The following NDUFC1 variants were observed in gnomAD, a reference collection of about 807,000 sequenced individuals.
NDUFC1 encodes the protein NADH dehydrogenase [ubiquinone] 1 subunit C1, mitochondrial.
NDUFC1 carries 11 observed loss-of-function variants against 11.6 expected under a neutral mutation model. The observed-to-expected ratio is 0.95, with a 90% confidence interval of 0.60 to 1.58. NDUFC1 has a LOEUF of 1.58. NDUFC1 is among the 40% of genes most tolerant of loss of function. NDUFC1 has a pLI of 0.00. For synonymous variants in NDUFC1, 52 were observed against 42.2 expected, an observed-to-expected ratio of 1.23 and a Z score of -0.90; for missense variants, 112 against 93.0, an observed-to-expected ratio of 1.20 and a Z score of -0.84.
chr4:139,300,188 A>G (rs750537029), intron 1 of NDUFC1, among the ~76,000 whole-genome samples: 2 of 152,222 alleles, frequency 1.3e-5, no homozygotes, highest in Non-Finnish European at 2.9e-5. Flanking sequence ...TTTCCTGTAT[A>G]TATGATTTTT....
chr4:139,292,340 T>TCCCCC lies in NDUFC1; in HGVS notation c.*20+185_*20+189dup, dbSNP rs933211360. On this transcript the variant is annotated intron_variant, in intron 5 of 5. Coordinates refer to ENST00000394223, the MANE Select transcript of NDUFC1 (RefSeq NM_001184989.2). ...CAAACAACAAACAAAAAAAACCCCA[T>TCCCCC]CCCCCCCAAAACAAAACCAACTGCT... Among the ~76,000 whole-genome samples, 16 of 149,060 alleles carry TCCCCC rather than the reference T, an allele frequency of 1.1e-4. 1 individual carries two copies. Among genetic ancestry groups the TCCCCC allele is most frequent in the African/African-American group, 3.5e-4 (14 of 40,520 alleles).
In NDUFC1 at chr4:139,290,716, CATAT is replaced by C. The variant is rs376295863; in HGVS notation, c.*21-628_*21-625del. Among the ~76,000 whole-genome samples, 1,136 of 145,756 alleles carry C rather than the reference CATAT, an allele frequency of 7.8e-3. 14 individuals are homozygous for C. Among genetic ancestry groups the C allele is most frequent in the African/African-American group, 0.026 (1,046 of 40,250 alleles). ...TTAAAAAAGGTTTTCAGAAATACAC[CATAT>C]ATATATATATATATGTACACTGTAT... On this transcript the variant is annotated intron_variant, in intron 5 of 5. Transcript: ENST00000394223.
intron 1 of NDUFC1, among the ~76,000 whole-genome samples, chr4:139,299,875 T>C (rs147301184): frequency 1.9e-4 from 29 of 152,284 alleles, no homozygotes; most frequent in Middle Eastern, 3.4e-3. Flanking sequence ...TGAAGGAAAA[T>C]AGAATATTCT....
rs889542717 is a variant in NDUFC1, at chr4:139,301,929, C to A, written c.-222+487G>T. 8.5e-6 allele frequency: 11 copies of A among 1,296,104 alleles called. No individual in the cohort carries two copies. In the African/African-American group the frequency reaches 1.5e-4, roughly 17 times the overall value. The allele number at this position is 1,296,104 out of a possible 1,614,324, so 80.3% of individuals were successfully genotyped here. On this transcript the variant is annotated intron_variant, in intron 1 of 5. Coordinates refer to ENST00000394223, the MANE Select transcript of NDUFC1 (RefSeq NM_001184989.2). ...CCCGGCGGGCACTGAGCCACTCCCG[C>A]CCGGGACCCCGCCTTCATAGCTCTC...
chr4:139,296,582 C>T (rs1401636826), intron 2 of NDUFC1, among the ~76,000 whole-genome samples: 6 of 152,216 alleles, frequency 3.9e-5, no homozygotes. Flanking sequence ...ATTACTTAAC[C>T]TCTCTATACC....
intron 4 of NDUFC1, among the ~76,000 whole-genome samples, chr4:139,294,648 T>C (rs988527422): frequency 1.3e-5 from 2 of 148,830 alleles, no homozygotes; most frequent in African/African-American, 5.0e-5. Flanking sequence ...GGCAGGAGAA[T>C]GGCGTGAACC....
At chr4:139,296,557 A>G (rs1245498371) in intron 2 of NDUFC1, among the ~76,000 whole-genome samples, 1 of 152,214 alleles carries the variant, frequency 6.6e-6, no homozygotes, top group Non-Finnish European at 1.5e-5. Flanking sequence ...TTTTAGCTCT[A>G]TGATTTCTAG....
In NDUFC1 at chr4:139,292,709, T is replaced by C. The variant is rs1193613917; in HGVS notation, c.172-100A>G. The C allele has an allele frequency of 5.6e-6, 4 of 716,536 alleles. No individual in the cohort carries two copies. The East Asian group carries it at 1.3e-4, about 23-fold the overall frequency. 44.4% of individuals were successfully genotyped at this position (716,536 alleles called of 1,614,324 possible). On this transcript the variant is annotated intron_variant, in intron 4 of 5. Coordinates refer to ENST00000394223, the MANE Select transcript of NDUFC1 (RefSeq NM_001184989.2). The stretch of plus-strand genomic sequence containing the variant: ...AGAAAAAATAAACAACTATTCTAGT[T>C]AGAAATAAAAGGCTAAGAGATCCAA...
At chr4:139,294,567 T>G (rs1745372795) in intron 4 of NDUFC1, among the ~76,000 whole-genome samples, 1 of 150,886 alleles carries the variant, frequency 6.6e-6, no homozygotes, top group Non-Finnish European at 1.5e-5. Flanking sequence ...AAACCCCGTC[T>G]CTACCAACAA....
intron 3 of NDUFC1, 105 bp downstream of exon 3, chr4:139,295,627 G>T: frequency 1.5e-6 from 2 of 1,302,556 alleles, no homozygotes; most frequent in Non-Finnish European, 2.1e-6. Flanking sequence ...GAAGGTCACT[G>T]CAGGACGAAC....
intron 1 of NDUFC1, chr4:139,301,819 C>A: frequency 6.3e-7 from 1 of 1,593,936 alleles, no homozygotes; most frequent in South Asian, 1.1e-5. Flanking sequence ...ATGCGCTCTT[C>A]AAGCGGATCT....
chr4:139,300,719 T>A (rs1745675838), intron 1 of NDUFC1: 2 of 152,086 alleles, frequency 1.3e-5, no homozygotes, highest in African/African-American at 4.8e-5. Context: ...GGATGGGGAG[T>A]TCGAGTCACA....
chr4:139,292,680 G>T, intron 4 of NDUFC1, 71 bp from the exon 5 acceptor site: 1 of 990,764 alleles, frequency 1.0e-6, no homozygotes, highest in Non-Finnish European at 1.5e-6. Flanking sequence ...AAAGGAATAA[G>T]GATAGAAAAA....
chr4:139,290,283 G>A (rs933514131), intron 5 of NDUFC1, among the ~76,000 whole-genome samples, 191 bp from the exon 6 acceptor site: 1 of 149,354 alleles, frequency 6.7e-6, no homozygotes, highest in African/African-American at 2.5e-5. Flanking sequence ...AAAGCCATCT[G>A]GTTTGTATTT....
chr4:139,296,607 G>C (rs1283482046), intron 2 of NDUFC1, among the ~76,000 whole-genome samples: 2 of 152,186 alleles, frequency 1.3e-5, no homozygotes, highest in Non-Finnish European at 2.9e-5. Context: ...TTTTACATCT[G>C]TAACATAAAA....
At chr4:139,301,969 A>G in intron 1 of NDUFC1, 2 of 901,922 alleles carry the variant, frequency 2.2e-6, no homozygotes, top group South Asian at 1.7e-5. Flanking sequence ...GGCCGAATGC[A>G]TTGCTTTGCT....
intron 5 of NDUFC1, among the ~76,000 whole-genome samples, chr4:139,291,213 G>C (rs1192599923): frequency 6.6e-6 from 1 of 151,778 alleles, no homozygotes; most frequent in Non-Finnish European, 1.5e-5. Flanking sequence ...TTTTTACCAG[G>C]AACTGTCCAA....
Position 139,295,136 on chromosome 4 carries a change from T to A in NDUFC1, c.78A>T (p.Arg26=), listed in dbSNP as rs747847591. 5 of 1,614,114 alleles carry A rather than the reference T, an allele frequency of 3.1e-6. No homozygotes were observed. The highest frequency in any genetic ancestry group is 4.2e-6 in the Non-Finnish European group (5 of 1,179,986). ...PARLPSGPSV[R]SKFYVREPPN... is the part of the protein sequence containing the mutation. Reference sequence around the variant, plus strand: ...GCGGCTCTCGCACGTAGAACTTTGATCGCACTGAAGCTGAAAGGGGAAGAG... The same window carrying A: ...GCGGCTCTCGCACGTAGAACTTTGAACGCACTGAAGCTGAAAGGGGAAGAG... Residue 26 remains arginine, a synonymous_variant, in exon 4 of 6, where the codon CGA becomes CGT. Transcript: ENST00000394223.
chr4:139,292,714 A>G lies in NDUFC1; in HGVS notation c.172-105T>C, dbSNP rs533804869. ...AAATAAACAACTATTCTAGTTAGAAATAAAAGGCTAAGAGATCCAAAAGTT... is the reference window on the plus strand; with the variant it reads ...AAATAAACAACTATTCTAGTTAGAAGTAAAAGGCTAAGAGATCCAAAAGTT... On this transcript the variant is annotated intron_variant, in intron 4 of 5. Coordinates refer to ENST00000394223, the MANE Select transcript of NDUFC1 (RefSeq NM_001184989.2). The G allele has an allele frequency of 4.8e-5, 32 of 661,710 alleles. 1 individual carries two copies. The East Asian group carries it at 1.0e-3, about 21-fold the overall frequency. The allele number at this position is 661,710 out of a possible 1,614,324, so 41.0% of individuals were successfully genotyped here.
Sources: allele counts gnomAD v4.1 joint callset (sites outside exome capture counted in the v4.1 genomes callset), GRCh38; gene constraint gnomAD v4.1.1; transcripts MANE v1.5; gene names NCBI Gene and HGNC (gene_info 2026-07-23, HGNC 2026-07-21).